The following THADA variants were observed in gnomAD, a reference collection of about 807,000 sequenced individuals.
The protein encoded by THADA is tRNA (32-2'-O)-methyltransferase regulator THADA.
In THADA, 213 loss-of-function variants were observed where a neutral mutation model predicts 219.8. The ratio of observed to expected loss-of-function variants is 0.97; its 90% confidence interval spans 0.87 to 1.09. THADA has a LOEUF of 1.09. THADA is among the 50% of genes least tolerant of loss of function. The pLI is 0.00. For synonymous variants in THADA, 1,018 were observed against 828.9 expected, an observed-to-expected ratio of 1.23 and a Z score of -3.92; for missense variants, 2,956 against 2,311.3, an observed-to-expected ratio of 1.28 and a Z score of -5.72.
intron 14 of THADA, among the ~76,000 whole-genome samples, chr2:43,569,128 C>T (rs1379558968): frequency 6.6e-6 from 1 of 152,052 alleles, no homozygotes; most frequent in African/African-American, 2.4e-5. Context: ...CACACCACCA[C>T]GCCCGTCTCA....
chr2:43,467,687 C>A (rs150599505), intron 26 of THADA, among the ~76,000 whole-genome samples: 1 of 152,148 alleles, frequency 6.6e-6, no homozygotes, highest in Admixed American at 6.5e-5. Context: ...TTGAGGCTCA[C>A]AGTATAAACT....
intron 22 of THADA, among the ~76,000 whole-genome samples, chr2:43,526,378 G>A (rs1208610174): frequency 6.6e-6 from 1 of 152,070 alleles, no homozygotes; most frequent in East Asian, 1.9e-4. Context: ...CAACTTGCCT[G>A]GTTATTTCCT....
chr2:43,413,329 C>A (rs1676527516), intron 28 of THADA, among the ~76,000 whole-genome samples: 1 of 152,118 alleles, frequency 6.6e-6, no homozygotes, highest in Non-Finnish European at 1.5e-5. Flanking sequence ...CCCACCACCA[C>A]CCCCGCCCCA....
At chr2:43,576,937 G>A (rs1438030700) in intron 10 of THADA, 85 bp downstream of exon 10, 38 of 1,246,828 alleles carry the variant, frequency 3.0e-5, no homozygotes, top group Non-Finnish European at 3.7e-5. Flanking sequence ...GGGATTAGAG[G>A]CACAAGCCAC....
chr2:43,584,103 A>G (rs1286995278), intron 7 of THADA, among the ~76,000 whole-genome samples: 1 of 151,970 alleles, frequency 6.6e-6, no homozygotes, highest in Non-Finnish European at 1.5e-5. Flanking sequence ...GACAAATCCT[A>G]CATGATTCAT....
At chr2:43,283,066 C>T (rs975788291) in intron 35 of THADA, among the ~76,000 whole-genome samples, 1 of 152,180 alleles carries the variant, frequency 6.6e-6, no homozygotes, top group Non-Finnish European at 1.5e-5. Context: ...TGAGTGAATT[C>T]TCACAAGATC....
chr2:43,484,170 C>T (rs964783139), intron 26 of THADA: 1 of 156,010 alleles, frequency 6.4e-6, no homozygotes, highest in Admixed American at 6.5e-5. Context: ...AGTTACCTTC[C>T]TTTTAAATAT....
At chr2:43,545,302 C>A (rs2103842082) in intron 20 of THADA, among the ~76,000 whole-genome samples, 1 of 151,706 alleles carries the variant, frequency 6.6e-6, no homozygotes, top group Non-Finnish European at 1.5e-5. Context: ...ATTTTTGCAT[C>A]AATGTTCATC....
Position 43,574,719 on chromosome 2 carries a change from C to G in THADA, c.1346G>C (p.Trp449Ser). Reference protein sequence around the residue: ...ELTESLLRLEWHIKGKYTCLG... With the variant: ...ELTESLLRLESHIKGKYTCLG... The stretch of plus-strand genomic sequence containing the variant: ...GCACGTGTACTTTCCTTTAATATGC[C>G]ATTCCAATCGTAAAAGACTCTCAGT... Residue 449 changes from tryptophan (W) to serine (S), a missense_variant, in exon 11 of 38, where the codon TGG becomes TCG. Physicochemically the swap from Trp to Ser is radical, Grantham distance 177 (BLOSUM62 -3). Transcript: ENST00000405975. 2.5e-6 allele frequency: 4 copies of G among 1,614,006 alleles called. No individual in the cohort carries two copies. The highest frequency in any genetic ancestry group is 3.4e-6 in the Non-Finnish European group (4 of 1,179,886).
At chr2:43,286,576 AC>A (rs1485207211) in intron 35 of THADA, among the ~76,000 whole-genome samples, 1 of 152,074 alleles carries the variant, frequency 6.6e-6, no homozygotes, top group African/African-American at 2.4e-5. Flanking sequence ...ACTCATCTCT[AC>A]TAAAAATACA....
chr2:43,434,741 G>C (rs1679846303), intron 26 of THADA, among the ~76,000 whole-genome samples: 1 of 152,150 alleles, frequency 6.6e-6, no homozygotes, highest in African/African-American at 2.4e-5. Flanking sequence ...TAAAACCCTG[G>C]ACTAATTCTC....
chr2:43,365,964 A>T (rs1472781999), intron 29 of THADA, among the ~76,000 whole-genome samples: 1 of 152,152 alleles, frequency 6.6e-6, no homozygotes, highest in Non-Finnish European at 1.5e-5. Context: ...AATAACATAT[A>T]ATATGTGGGA....
chr2:43,446,355 G>A (rs1012728870), intron 26 of THADA, among the ~76,000 whole-genome samples: 1 of 152,142 alleles, frequency 6.6e-6, no homozygotes, highest in Non-Finnish European at 1.5e-5. Context: ...GACTTGCTTT[G>A]ATCAGGCAGC....
intron 29 of THADA, among the ~76,000 whole-genome samples, chr2:43,354,896 C>T (rs1271876698): frequency 7.9e-5 from 12 of 152,010 alleles, no homozygotes; most frequent in Admixed American, 4.6e-4. Context: ...TGAGTTCTCA[C>T]GAGACCTGAT....
At chr2:43,378,423 C>A (rs1270729470) in intron 29 of THADA, among the ~76,000 whole-genome samples, 12 of 152,170 alleles carry the variant, frequency 7.9e-5, no homozygotes, top group Middle Eastern at 6.8e-3. Context: ...AAGGACTTCA[C>A]CAAGTCTTGA....
intron 28 of THADA, among the ~76,000 whole-genome samples, chr2:43,401,187 C>T (rs1198583053): frequency 6.6e-6 from 1 of 152,142 alleles, no homozygotes; most frequent in African/African-American, 2.4e-5. Flanking sequence ...AACCTCTAGC[C>T]CTCTCACTTC....
intron 22 of THADA, among the ~76,000 whole-genome samples, chr2:43,525,677 T>C (rs1226155676): frequency 6.6e-6 from 1 of 152,202 alleles, no homozygotes; most frequent in Non-Finnish European, 1.5e-5. Context: ...TGCCACCAAC[T>C]GAACTCAGTA....
chr2:43,301,736 G>T (rs984329857), intron 31 of THADA, among the ~76,000 whole-genome samples: 2 of 152,208 alleles, frequency 1.3e-5, no homozygotes, highest in African/African-American at 4.8e-5. Context: ...CATCTCTGGG[G>T]TGAAACCTAG....
chr2:43,390,226 TC>T (rs1359916778), intron 29 of THADA, among the ~76,000 whole-genome samples: 4 of 152,144 alleles, frequency 2.6e-5, no homozygotes, highest in African/African-American at 7.2e-5. Flanking sequence ...GGTTTCAGAG[TC>T]CCCAGCAGTC....
Sources: allele counts gnomAD v4.1 joint callset (sites outside exome capture counted in the v4.1 genomes callset), GRCh38; gene constraint gnomAD v4.1.1; transcripts MANE v1.5; gene names NCBI Gene and HGNC (gene_info 2026-07-23, HGNC 2026-07-21).